Variants in C7orf33 observed in about 807,000 individuals in gnomAD.
C7orf33 encodes the protein uncharacterized protein C7orf33.
Under a neutral mutation model 13.4 loss-of-function variants are expected in C7orf33, and 15 were observed. The ratio of observed to expected loss-of-function variants is 1.12; its 90% confidence interval spans 0.75 to 1.72. C7orf33 has a LOEUF of 1.72. Ranked by LOEUF, C7orf33 falls within the 40% of genes most tolerant of loss-of-function variation. C7orf33 has a pLI of 0.00. For missense variants in C7orf33, 187 were observed against 220.3 expected (o/e 0.85, Z 0.96); for synonymous variants, 73 against 83.2 (o/e 0.88, Z 0.67).
intron 1 of C7orf33, among the ~76,000 whole-genome samples, chr7:148,595,139 G>C (rs1026983813): frequency 6.6e-6 from 1 of 150,796 alleles, no homozygotes; most frequent in Non-Finnish European, 1.5e-5. Flanking sequence ...GCACATTCAC[G>C]GCTCACTGCA....
intron 1 of C7orf33, among the ~76,000 whole-genome samples, chr7:148,606,933 T>TACACACACAC (rs112000703): frequency 0.094 from 13,076 of 139,162 alleles, 705 homozygotes; most frequent in African/African-American, 0.12. Flanking sequence ...AAAAAAAAAA[T>TACACACACAC]ACACACACAC....
At chr7:148,595,930 C>T (rs992545211) in intron 1 of C7orf33, among the ~76,000 whole-genome samples, 1 of 151,338 alleles carries the variant, frequency 6.6e-6, no homozygotes, top group African/African-American at 2.4e-5. Flanking sequence ...CAATGTTTAA[C>T]CATGATCACA....
intron 2 of C7orf33, among the ~76,000 whole-genome samples, chr7:148,615,034 C>T (rs929977630): frequency 1.3e-5 from 2 of 152,066 alleles, no homozygotes; most frequent in Middle Eastern, 3.4e-3. Context: ...GTAGAGATAG[C>T]GATTTTTTTT....
chr7:148,594,359 G>A (rs1796304622), intron 1 of C7orf33, among the ~76,000 whole-genome samples: 1 of 151,762 alleles, frequency 6.6e-6, no homozygotes. Flanking sequence ...GTATTTTTTA[G>A]TAGAGACGGG....
intron 1 of C7orf33, among the ~76,000 whole-genome samples, chr7:148,594,965 T>C (rs1200876877): frequency 6.6e-6 from 1 of 152,142 alleles, no homozygotes; most frequent in African/African-American, 2.4e-5. Context: ...TGTCCCCATC[T>C]GAACATGCTT....
intron 1 of C7orf33, among the ~76,000 whole-genome samples, chr7:148,604,830 CA>C (rs1796455630): frequency 1.3e-5 from 2 of 151,584 alleles, no homozygotes; most frequent in Non-Finnish European, 2.9e-5. Flanking sequence ...AAAATATTTC[CA>C]AAAAAAGGCA....
chr7:148,603,607 A>T (rs990628796), intron 1 of C7orf33, among the ~76,000 whole-genome samples: 1 of 152,186 alleles, frequency 6.6e-6, no homozygotes, highest in African/African-American at 2.4e-5. Context: ...TTGGAAGAGG[A>T]GGCATCTATT....
chr7:148,608,779 T>G (rs1409565434), intron 1 of C7orf33, among the ~76,000 whole-genome samples: 1 of 152,156 alleles, frequency 6.6e-6, no homozygotes, highest in Admixed American at 6.5e-5. Flanking sequence ...GTCACACCTC[T>G]GCACTCCAGT....
chr7:148,603,111 C>A (rs1017107871), intron 1 of C7orf33, among the ~76,000 whole-genome samples: 5 of 152,140 alleles, frequency 3.3e-5, no homozygotes, highest in Non-Finnish European at 1.5e-5. Context: ...GCAGACCCAG[C>A]CCCAGAGCCC....
At chr7:148,606,877 G>A (rs1585463001) in intron 1 of C7orf33, among the ~76,000 whole-genome samples, 1 of 150,430 alleles carries the variant, frequency 6.6e-6, no homozygotes. Context: ...GTGAGCCACC[G>A]CGTCTGGCCA....
At chr7:148,591,253 C>T (rs994100618) in intron 1 of C7orf33, 124 bp downstream of exon 1, 16 of 827,934 alleles carry the variant, frequency 1.9e-5, no homozygotes, top group South Asian at 1.1e-4. Context: ...CTGGGCTTAA[C>T]GACATTGAAG....
Position 148,590,856 on chromosome 7 carries a change from A to T in C7orf33, c.-70A>T, listed in dbSNP as rs1796257793. 2.8e-6 allele frequency: 4 copies of T among 1,424,006 alleles called. No homozygotes were observed. In the Admixed American group the frequency reaches 6.8e-5, roughly 24 times the overall value. 88.2% of individuals were successfully genotyped at this position (1,424,006 alleles called of 1,614,324 possible). On this transcript the variant is annotated 5_prime_UTR_variant, in exon 1 of 3. Coordinates refer to ENST00000307003, the MANE Select transcript of C7orf33 (RefSeq NM_145304.4). ...TGACCCTGGGGATCCGTGCGACTTG[A>T]TCTTAGATATTGGTGGTGAAGCGCC...
At chr7:148,613,212 T>C (rs1194837250) in intron 1 of C7orf33, among the ~76,000 whole-genome samples, 1 of 152,258 alleles carries the variant, frequency 6.6e-6, no homozygotes, top group East Asian at 1.9e-4. Context: ...GCTCAAGTTT[T>C]CTTTTTAGCT....
At chr7:148,599,708 C>T (rs552341961) in intron 1 of C7orf33, among the ~76,000 whole-genome samples, 8 of 151,776 alleles carry the variant, frequency 5.3e-5, no homozygotes, top group Non-Finnish European at 1.2e-4. Flanking sequence ...ATCCTGACCT[C>T]GTGATCCACC....
At chr7:148,607,520 A>G (rs1796488143) in intron 1 of C7orf33, among the ~76,000 whole-genome samples, 1 of 152,206 alleles carries the variant, frequency 6.6e-6, no homozygotes, top group African/African-American at 2.4e-5. Flanking sequence ...AAAAAGAGAC[A>G]AGGAAGAATT....
At chr7:148,608,015 C>T (rs537818436) in intron 1 of C7orf33, among the ~76,000 whole-genome samples, 16 of 152,238 alleles carry the variant, frequency 1.1e-4, no homozygotes, top group African/African-American at 2.4e-4. Flanking sequence ...CCCTCTCAAA[C>T]GCCAATTAAA....
chr7:148,596,411 G>C (rs1257088565), intron 1 of C7orf33, among the ~76,000 whole-genome samples: 1 of 152,146 alleles, frequency 6.6e-6, no homozygotes, highest in East Asian at 1.9e-4. Flanking sequence ...CTGTTCTCAC[G>C]CTGCTGATAC....
intron 1 of C7orf33, among the ~76,000 whole-genome samples, chr7:148,602,076 G>C: frequency 6.6e-6 from 1 of 152,148 alleles, no homozygotes; most frequent in East Asian, 1.9e-4. Context: ...TAGAATGCTA[G>C]AGTGGTTTAG....
chr7:148,592,981 C>T (rs1296445008), intron 1 of C7orf33, among the ~76,000 whole-genome samples: 1 of 152,100 alleles, frequency 6.6e-6, no homozygotes, highest in Admixed American at 6.6e-5. Flanking sequence ...GCTGGGATTA[C>T]AGGCACCCAC....
Sources: allele counts gnomAD v4.1 joint callset (sites outside exome capture counted in the v4.1 genomes callset), GRCh38; gene constraint gnomAD v4.1.1; transcripts MANE v1.5; gene names NCBI Gene and HGNC (gene_info 2026-07-23, HGNC 2026-07-21).